The following TRIOBP variants were observed in gnomAD, a reference collection of about 807,000 sequenced individuals.
TRIOBP encodes the protein TRIO and F-actin binding protein.
In TRIOBP, 169 loss-of-function variants were observed where a neutral mutation model predicts 238.8. The observed-to-expected ratio is 0.71, with a 90% confidence interval of 0.62 to 0.80. The LOEUF is 0.80. Among genes scored for constraint, TRIOBP ranks in the 30% least tolerant of loss-of-function variants. The pLI is 0.00. For missense variants in TRIOBP, 2,838 were observed against 3,122.6 expected, an observed-to-expected ratio of 0.91 and a Z score of 2.17; for synonymous variants, 1,150 against 1,274.4, an observed-to-expected ratio of 0.90 and a Z score of 2.08.
chr22:37,744,761 C>T (rs1053736992), intron 11 of TRIOBP, among the ~76,000 whole-genome samples: 1 of 152,182 alleles, frequency 6.6e-6, no homozygotes, highest in African/African-American at 2.4e-5. Context: ...ACCTTGGCCT[C>T]ATTCCTCATG....
Position 37,735,934 on chromosome 22 carries a change from C to T in TRIOBP, c.5106+492C>T, listed in dbSNP as rs372001518. 2.6e-5 allele frequency among the ~76,000 whole-genome samples: 4 copies of T among 152,344 alleles called. No homozygotes were observed. In the East Asian group the frequency reaches 7.7e-4, roughly 29 times the overall value. ...CACCTGGGACTGTAGCCAGTGTGGG[C>T]ATGCCCCTTCCCCTGGTGGTACTCA... On this transcript the variant is annotated intron_variant, in intron 9 of 23. Transcript: ENST00000644935.
Position 37,698,215 on chromosome 22 carries a change from AAAAG to A in TRIOBP, c.-61+529_-61+532del, listed in dbSNP as rs1286448957. 8.8e-3 allele frequency among the ~76,000 whole-genome samples: 1,146 copies of A among 130,968 alleles called. 12 individuals carry two copies. The highest frequency in any genetic ancestry group is 0.024 in the Middle Eastern group (6 of 246). 85.9% of individuals were successfully genotyped at this position (130,968 alleles called of 152,430 possible). ...ATTCTGTCTCAAAAAAAAAAAAAAA[AAAAG>A]AAAGAAAGACACCAGGGTTTCAGAA... On this transcript the variant is annotated intron_variant, in intron 2 of 23. Coordinates refer to ENST00000644935, the MANE Select transcript of TRIOBP (RefSeq NM_001039141.3).
rs746717135 is a variant in TRIOBP, at chr22:37,773,927, CACACACACACAG to C, written c.*155_*166del. The C allele has an allele frequency of 0.042, 5,709 of 135,286 alleles. 284 individuals carry two copies. The highest frequency in any genetic ancestry group is 0.16 in the African/African-American group (4,895 of 30,242). The allele number at this position is 135,286 out of a possible 1,614,324, so 8.4% of individuals were successfully genotyped here. A position where few individuals can be genotyped will look rare whatever the true frequency, so the allele number is the denominator to read the frequency against. On this transcript the variant is annotated 3_prime_UTR_variant, in exon 24 of 24. Transcript: ENST00000644935. Reference sequence around the variant, plus strand: ...CACCACACACACACACACACACACACACACACACACAGACACACAGACACATACGCACACACG... The same window carrying C: ...CACCACACACACACACACACACACACACACACAGACACATACGCACACACG...
At chr22:37,750,152 CAG>C (rs200857041) in intron 11 of TRIOBP, among the ~76,000 whole-genome samples, 1 of 152,172 alleles carries the variant, frequency 6.6e-6, no homozygotes, top group African/African-American at 2.4e-5. Context: ...AGCCAGGACT[CAG>C]AGAGGGGATG....
At chr22:37,747,141 T>C (rs1184557674) in intron 11 of TRIOBP, among the ~76,000 whole-genome samples, 1 of 151,544 alleles carries the variant, frequency 6.6e-6, no homozygotes, top group African/African-American at 2.4e-5. Flanking sequence ...AGTTAGCATA[T>C]TGAGCCTCAC....
At chr22:37,715,312 G>T (rs1177890236) in intron 5 of TRIOBP, among the ~76,000 whole-genome samples, 1 of 151,536 alleles carries the variant, frequency 6.6e-6, no homozygotes, top group Admixed American at 6.6e-5. Context: ...ACTGCGCCCT[G>T]CAGGGAAGTG....
chr22:37,743,842 T>TGTGTGCGC lies in TRIOBP; in HGVS notation c.5322+2813_5322+2814insTGCGCGTG, dbSNP rs1433842741. Among the ~76,000 whole-genome samples, 11 of 115,264 alleles carry TGTGTGCGC rather than the reference T, an allele frequency of 9.5e-5. 1 individual carries two copies. In the South Asian group the frequency reaches 1.8e-3, roughly 18 times the overall value. 75.6% of individuals were successfully genotyped at this position (115,264 alleles called of 152,430 possible). On this transcript the variant is annotated intron_variant, in intron 11 of 23. Transcript: ENST00000644935. The stretch of plus-strand genomic sequence containing the variant: ...GTGTGTGTGTGTGTGTGTGTGTGTG[T>TGTGTGCGC]GTGCTGGGTGTGTGTGAGTGTGTGC...
chr22:37,766,976 G>A (rs1717421605), intron 18 of TRIOBP, among the ~76,000 whole-genome samples: 1 of 148,390 alleles, frequency 6.7e-6, no homozygotes, highest in Admixed American at 6.8e-5. Flanking sequence ...AAAAAGGCCA[G>A]GCACTGTGGC....
rs780105043 is a variant in TRIOBP at position 37,725,777 on chromosome 22, C to T, written c.3221C>T (p.Ser1074Phe). Reference sequence around the variant, plus strand: ...GGACACCGAGATGCCCCCCGGGCGTCCTCGCCCCCCCGCCACACCCAATTT... The same window carrying T: ...GGACACCGAGATGCCCCCCGGGCGTTCTCGCCCCCCCGCCACACCCAATTT... ...CIGHRDAPRA[S>F]SPPRHTQFDP... is the part of the protein sequence containing the mutation. Residue 1074 changes from serine to phenylalanine, a missense_variant, in exon 7 of 24, where the codon TCC (serine) becomes TTC (phenylalanine). Physicochemically the swap from Ser to Phe is radical, Grantham distance 155. Coordinates refer to ENST00000644935, the MANE Select transcript of TRIOBP (RefSeq NM_001039141.3). 4 of 1,607,268 alleles carry T rather than the reference C, an allele frequency of 2.5e-6. No individual in the cohort carries two copies. Among genetic ancestry groups the T allele is most frequent in the African/African-American group, 2.7e-5 (2 of 74,580 alleles).
At chr22:37,770,014 C>G (rs1926686153) in intron 21 of TRIOBP, among the ~76,000 whole-genome samples, 1 of 151,338 alleles carries the variant, frequency 6.6e-6, no homozygotes, top group South Asian at 2.1e-4. Context: ...CAGCATGAGC[C>G]ACCACACCCG....
intron 11 of TRIOBP, chr22:37,750,962 C>T (rs1925559873): frequency 5.4e-6 from 2 of 367,470 alleles, no homozygotes; most frequent in African/African-American, 2.1e-5. Flanking sequence ...TCCTCCCTGC[C>T]GGCGCCAGGA....
chr22:37,743,872 T>TGTGTGTGAGTGTGTGCTGG (rs1925084989), intron 11 of TRIOBP, among the ~76,000 whole-genome samples: 1 of 538 alleles, frequency 1.9e-3, no homozygotes, highest in South Asian at 0.12. Flanking sequence ...GTGTGCTGGG[T>TGTGTGTGAGTGTGTGCTGG]GTGTGTGTGT....
chr22:37,722,201 CA>C (rs57828971), intron 6 of TRIOBP, among the ~76,000 whole-genome samples: 119,582 of 151,908 alleles, frequency 0.79, 50,089 homozygotes, highest in East Asian at 1. Context: ...CATTTGGATA[CA>C]AAAAAACAGG....
intron 7 of TRIOBP, among the ~76,000 whole-genome samples, chr22:37,727,154 C>T (rs1006005343): frequency 1.3e-5 from 2 of 151,500 alleles, no homozygotes; most frequent in Non-Finnish European, 2.9e-5. Context: ...AGTGATCCAC[C>T]CGCCTCGGCC....
intron 15 of TRIOBP, among the ~76,000 whole-genome samples, chr22:37,756,521 A>G (rs1371461249): frequency 1.3e-5 from 2 of 152,218 alleles, no homozygotes; most frequent in African/African-American, 4.8e-5. Flanking sequence ...TGAACTCTGA[A>G]GCACTGTGCA....
chr22:37,755,977 G>T (rs1345646880), intron 15 of TRIOBP, among the ~76,000 whole-genome samples: 2 of 152,214 alleles, frequency 1.3e-5, no homozygotes, highest in African/African-American at 2.4e-5. Flanking sequence ...TTAGGAAGGG[G>T]TGGTTAGGTA....
rs748756076 is a variant in TRIOBP at position 37,713,375 on chromosome 22, C to T, written c.420C>T (p.Ser140=). The T allele has an allele frequency of 1.2e-5, 19 of 1,613,722 alleles. No individual in the cohort carries two copies. In the African/African-American group the frequency reaches 1.2e-4, roughly 10 times the overall value. Residue 140 remains serine (S), a synonymous_variant, in exon 5 of 24, where the codon TCC becomes TCT. Coordinates refer to ENST00000644935, the MANE Select transcript of TRIOBP (RefSeq NM_001039141.3). ...CTGACCCCACCTCCAGCCCTGACTC[C>T]GCCACCCCTGATGATACCAGCAACT... ...PGSDPTSSPD[S]ATPDDTSNSS...
intron 18 of TRIOBP, among the ~76,000 whole-genome samples, chr22:37,767,165 C>T (rs571193106): frequency 1.3e-5 from 2 of 152,078 alleles, no homozygotes; most frequent in Admixed American, 6.6e-5. Context: ...GCAGGAGAAT[C>T]GCTTGAAAGT....
intron 2 of TRIOBP, 86 bp from the exon 3 acceptor site, chr22:37,701,220 G>T: frequency 1.5e-6 from 1 of 682,416 alleles, no homozygotes; most frequent in Admixed American, 2.1e-5. Flanking sequence ...CTTGGTCCTT[G>T]TCTGGAAACT....
Sources: gnomAD v4.1 joint callset for allele counts (sites outside exome capture counted in the v4.1 genomes callset) on GRCh38, gnomAD v4.1.1 for gene constraint, MANE v1.5 for transcripts, NCBI Gene and HGNC (gene_info 2026-07-23, HGNC 2026-07-21) for gene names.